Variants in PKP4 observed in about 807,000 individuals in gnomAD.
The protein encoded by PKP4 is plakophilin 4.
In PKP4, 90 loss-of-function variants were observed where a neutral mutation model predicts 145.1. The ratio of observed to expected loss-of-function variants is 0.62; its 90% CI spans 0.52 to 0.74. PKP4 has a LOEUF of 0.74. Ranked by LOEUF, PKP4 falls within the 30% of genes least tolerant of loss-of-function variation. PKP4 has a pLI of 0.00. For missense variants in PKP4, 1,340 were observed against 1,482.7 expected, an observed-to-expected ratio of 0.90 and a Z score of 1.58; for synonymous variants, 563 against 577.2, an observed-to-expected ratio of 0.98 and a Z score of 0.35.
intron 3 of PKP4, among the ~76,000 whole-genome samples, chr2:158,580,015 C>T (rs569352563): frequency 1.2e-3 from 184 of 151,982 alleles, no homozygotes; most frequent in African/African-American, 4.2e-3. Context: ...GAAAGGAGGA[C>T]GATACTAGGA....
intron 1 of PKP4, among the ~76,000 whole-genome samples, chr2:158,462,471 A>G (rs930352763): frequency 6.6e-6 from 1 of 152,054 alleles, no homozygotes; most frequent in Admixed American, 6.6e-5. Context: ...AAGGAAGTTG[A>G]ATTTCTCTTT....
At position 158,541,984 on chromosome 2, in the gene PKP4, G is replaced by T. The variant is rs2044563511; in HGVS notation, c.132+8668G>T. Among the ~76,000 whole-genome samples, 3 of 152,030 alleles carry T rather than the reference G, an allele frequency of 2.0e-5. No individual in the cohort carries two copies. In the South Asian group the frequency reaches 6.2e-4, roughly 32 times the overall value. ...CCATATGTAGTATTTCTGTATTCTGGTATTCCTTCAGAAATGCCTTTCCAT... is the reference window on the plus strand; with the variant it reads ...CCATATGTAGTATTTCTGTATTCTGTTATTCCTTCAGAAATGCCTTTCCAT... On this transcript the variant is annotated intron_variant, in intron 2 of 21. Transcript: ENST00000389759.
At chr2:158,553,539 G>C (rs1231022409) in intron 2 of PKP4, among the ~76,000 whole-genome samples, 1 of 152,178 alleles carries the variant, frequency 6.6e-6, no homozygotes, top group Non-Finnish European at 1.5e-5. Context: ...AAACTGTACA[G>C]GCTTGTCAAA....
At chr2:158,539,342 G>C (rs2044323612) in intron 2 of PKP4, among the ~76,000 whole-genome samples, 1 of 152,152 alleles carries the variant, frequency 6.6e-6, no homozygotes, top group Admixed American at 6.5e-5. Flanking sequence ...ACAAATTCCA[G>C]TACAATTATT....
chr2:158,470,875 C>T (rs947107873), intron 1 of PKP4, among the ~76,000 whole-genome samples: 4 of 152,070 alleles, frequency 2.6e-5, no homozygotes, highest in Admixed American at 1.3e-4. Flanking sequence ...CCACTGAGTG[C>T]GGGGCTGGGG....
chr2:158,515,389 G>T (rs567667498), intron 1 of PKP4, among the ~76,000 whole-genome samples: 84 of 151,912 alleles, frequency 5.5e-4, no homozygotes, highest in African/African-American at 2.0e-3. Context: ...AGAGTCTGAG[G>T]GCTCAAAAAT....
chr2:158,620,220 T>A (rs10180277), intron 4 of PKP4, among the ~76,000 whole-genome samples: 1 of 151,908 alleles, frequency 6.6e-6, no homozygotes, highest in African/African-American at 2.4e-5. Flanking sequence ...TTTGAAGATA[T>A]TAGAGAAAGA....
intron 1 of PKP4, among the ~76,000 whole-genome samples, chr2:158,474,118 C>T (rs2105412168): frequency 6.6e-6 from 1 of 152,356 alleles, no homozygotes; most frequent in South Asian, 2.1e-4. Flanking sequence ...CTTTCATCCT[C>T]ATAGTCATTA....
intron 12 of PKP4, chr2:158,658,757 T>C (rs2056243983): frequency 6.3e-6 from 1 of 158,334 alleles, no homozygotes. Flanking sequence ...GCCCAAATAC[T>C]TTTTTAGTCA....
intron 3 of PKP4, chr2:158,589,020 GA>G (rs772165577): frequency 2.0e-5 from 3 of 152,124 alleles, no homozygotes; most frequent in Non-Finnish European, 4.4e-5. Flanking sequence ...TTAGTTTTGT[GA>G]AGAATGCTGT....
At chr2:158,529,088 CTCA>C (rs1218219947) in intron 1 of PKP4, among the ~76,000 whole-genome samples, 2 of 152,210 alleles carry the variant, frequency 1.3e-5, no homozygotes, top group Non-Finnish European at 2.9e-5. Context: ...TTAAAGATCT[CTCA>C]TCATGGGAGT....
chr2:158,566,531 G>A lies in PKP4; in HGVS notation c.133-10740G>A, dbSNP rs555786041. Among the ~76,000 whole-genome samples the A allele has an allele frequency of 2.7e-5, 4 of 150,940 alleles. No individual in the cohort carries two copies. In the South Asian group the frequency reaches 8.3e-4, roughly 31 times the overall value. Reference sequence around the variant, plus strand: ...TCATGTTAAGTCATTACTAGTTTTTGTAATTTCTTAAGGTTTAAAGTAATA... The same window carrying A: ...TCATGTTAAGTCATTACTAGTTTTTATAATTTCTTAAGGTTTAAAGTAATA... On this transcript the variant is annotated intron_variant, in intron 2 of 21. Coordinates refer to ENST00000389759, the MANE Select transcript of PKP4 (RefSeq NM_003628.6).
intron 2 of PKP4, among the ~76,000 whole-genome samples, chr2:158,557,145 G>A (rs1180519558): frequency 6.6e-6 from 1 of 152,042 alleles, no homozygotes; most frequent in African/African-American, 2.4e-5. Flanking sequence ...AATAAAAGAT[G>A]CCTCTCCCAT....
In PKP4 at chr2:158,519,512, C is replaced by G. The variant is rs148189908; in HGVS notation, c.-5-13668C>G. Among the ~76,000 whole-genome samples, 319 of 152,300 alleles carry G rather than the reference C, an allele frequency of 2.1e-3. 2 individuals carry two copies. Among genetic ancestry groups the G allele is most frequent in the African/African-American group, 6.9e-3 (287 of 41,570 alleles). On this transcript the variant is annotated intron_variant, in intron 1 of 21. Transcript: ENST00000389759. ...CTCTCTCTCCCCTTGATTATCCTGA[C>G]ATTGGCCCCAGGCCTGAGAGCCTCA...
intron 2 of PKP4, among the ~76,000 whole-genome samples, chr2:158,540,926 A>G (rs1047162864): frequency 1.3e-5 from 2 of 152,132 alleles, no homozygotes. Flanking sequence ...CAGTTGAATA[A>G]TCCAGTTTAC....
intron 1 of PKP4, among the ~76,000 whole-genome samples, chr2:158,521,671 T>A (rs2042383726): frequency 1.3e-5 from 2 of 152,194 alleles, no homozygotes; most frequent in African/African-American, 4.8e-5. Flanking sequence ...TATCTGATAC[T>A]CCTTTTAGAA....
intron 13 of PKP4, among the ~76,000 whole-genome samples, chr2:158,662,081 G>A (rs1208118103): frequency 6.6e-6 from 1 of 152,184 alleles, no homozygotes; most frequent in Non-Finnish European, 1.5e-5. Flanking sequence ...AAAGTGTCAG[G>A]ACTTCCAAAG....
At chr2:158,679,921 A>C (rs1361054780) in intron 21 of PKP4, among the ~76,000 whole-genome samples, 1 of 152,256 alleles carries the variant, frequency 6.6e-6, no homozygotes, top group Non-Finnish European at 1.5e-5. Flanking sequence ...TTTAAAATGT[A>C]GGGGTGGACT....
intron 2 of PKP4, among the ~76,000 whole-genome samples, chr2:158,566,773 A>G (rs968582696): frequency 6.6e-6 from 1 of 152,178 alleles, no homozygotes; most frequent in Non-Finnish European, 1.5e-5. Flanking sequence ...GGAATTTTAA[A>G]CATAAATTAA....
Sources: gnomAD v4.1 joint callset for allele counts (sites outside exome capture counted in the v4.1 genomes callset) on GRCh38, gnomAD v4.1.1 for gene constraint, MANE v1.5 for transcripts, NCBI Gene and HGNC (gene_info 2026-07-23, HGNC 2026-07-21) for gene names.